Variants in RAD51B observed in about 807,000 individuals in gnomAD.
RAD51B encodes DNA repair protein RAD51 homolog 2.
A neutral mutation model predicts 42.2 loss-of-function variants in RAD51B; 38 were observed. The observed-to-expected ratio is 0.90, with a 90% CI of 0.70 to 1.18. The LOEUF is 1.18. Ranked by LOEUF, RAD51B falls within the 50% of genes most tolerant of loss-of-function variation. RAD51B has a pLI of 0.00. For missense variants in RAD51B, 373 were observed against 400.7 expected, an observed-to-expected ratio of 0.93 and a Z score of 0.59; for synonymous variants, 154 against 145.2, an observed-to-expected ratio of 1.06 and a Z score of -0.43.
At position 68,275,293 on chromosome 14, in the gene RAD51B, A is replaced by C. The variant is rs80061911; in HGVS notation, c.757-16591A>C. Among the ~76,000 whole-genome samples, 422 of 152,332 alleles carry C rather than the reference A, an allele frequency of 2.8e-3. 11 individuals carry two copies. In the East Asian group the frequency reaches 0.047, roughly 17 times the overall value. On this transcript the variant is annotated intron_variant, in intron 7 of 10. Coordinates refer to ENST00000471583, the MANE Select transcript of RAD51B (RefSeq NM_133510.4). The stretch of plus-strand genomic sequence containing the variant: ...CTACCTGAGAACTGACTAAATTTAT[A>C]TGAAAGTAACATTCTTATAGTTGTA...
At chr14:68,551,789 C>G (rs1477954826) in intron 10 of RAD51B, among the ~76,000 whole-genome samples, 1 of 152,210 alleles carries the variant, frequency 6.6e-6, no homozygotes, top group Non-Finnish European at 1.5e-5. Flanking sequence ...GGTCTCTCCC[C>G]AGATGCATCT....
At chr14:68,297,358 G>A (rs965510066) in intron 8 of RAD51B, among the ~76,000 whole-genome samples, 5 of 152,116 alleles carry the variant, frequency 3.3e-5, no homozygotes, top group African/African-American at 7.2e-5. Context: ...TTTCATTTCC[G>A]ATAAAAAACA....
chr14:68,388,092 A>ATTT (rs1192424963), intron 8 of RAD51B, among the ~76,000 whole-genome samples: 1 of 135,518 alleles, frequency 7.4e-6, no homozygotes, highest in African/African-American at 3.0e-5. Flanking sequence ...ATATATATAT[A>ATTT]TATTTTTTTT....
intron 10 of RAD51B, among the ~76,000 whole-genome samples, chr14:68,576,980 T>G (rs773002030): frequency 6.6e-6 from 1 of 152,220 alleles, no homozygotes; most frequent in South Asian, 2.1e-4. Flanking sequence ...GTTTGTGGTT[T>G]GCTGAGATTC....
chr14:68,452,299 A>T (rs10467820), intron 9 of RAD51B, among the ~76,000 whole-genome samples: 59,863 of 152,076 alleles, frequency 0.39, 12,007 homozygotes, highest in East Asian at 0.55. Context: ...GATTGAAGTT[A>T]CCAAATTCAG....
In RAD51B at chr14:68,328,606, A is replaced by G. The variant is rs564882912; in HGVS notation, c.853+36626A>G. On this transcript the variant is annotated intron_variant, in intron 8 of 10. Transcript: ENST00000471583. ...AACAGAACTTCAATTTTTCTTCTCC[A>G]TCTATGTGGTTCACATGGAACTGAC... Among the ~76,000 whole-genome samples, 39 of 152,330 alleles carry G rather than the reference A, an allele frequency of 2.6e-4. 1 individual carries two copies. Among genetic ancestry groups the G allele is most frequent in the Middle Eastern group, 3.4e-3 (1 of 294 alleles).
chr14:68,319,541 A>G (rs751657181), intron 8 of RAD51B, among the ~76,000 whole-genome samples: 1 of 152,216 alleles, frequency 6.6e-6, no homozygotes, highest in African/African-American at 2.4e-5. Context: ...AAGTGAAAGG[A>G]GTCCTTTCTC....
At chr14:68,581,936 G>GGGAAAACTGGCTAGCCATATGC (rs1389959458) in intron 10 of RAD51B, among the ~76,000 whole-genome samples, 1 of 152,160 alleles carries the variant, frequency 6.6e-6, no homozygotes, top group Non-Finnish European at 1.5e-5. Context: ...AAATGGTGTT[G>GGGAAAACTGGCTAGCCATATGC]GGAAAACTGG....
At chr14:68,139,195 C>T (rs1477557473) in intron 7 of RAD51B, among the ~76,000 whole-genome samples, 1 of 151,966 alleles carries the variant, frequency 6.6e-6, no homozygotes, top group Non-Finnish European at 1.5e-5. Context: ...AGAGATCCTC[C>T]TTCAAAGATC....
intron 10 of RAD51B, chr14:68,497,361 C>A (rs1293152551): frequency 1.6e-6 from 2 of 1,223,858 alleles, no homozygotes; most frequent in Non-Finnish European, 2.1e-6. Flanking sequence ...GCATCATAAG[C>A]TGATTTGATA....
At chr14:68,030,066 G>A (rs1848028001) in intron 7 of RAD51B, among the ~76,000 whole-genome samples, 1 of 152,240 alleles carries the variant, frequency 6.6e-6, no homozygotes, top group South Asian at 2.1e-4. Context: ...ACTGTAACCA[G>A]AGGTGCTGTG....
At chr14:67,845,621 T>A (rs1172235231) in intron 4 of RAD51B, among the ~76,000 whole-genome samples, 1 of 152,134 alleles carries the variant, frequency 6.6e-6, no homozygotes, top group Admixed American at 6.5e-5. Context: ...TGAGCCATGA[T>A]CATGCCACTG....
At chr14:68,428,748 TATATATATATATATATAA>T in intron 9 of RAD51B, among the ~76,000 whole-genome samples, 1 of 62,502 alleles carries the variant, frequency 1.6e-5, no homozygotes, top group Admixed American at 1.3e-4. Flanking sequence ...TATATATATA[TATATATATATATATATAA>T]TTATTATACT....
intron 4 of RAD51B, among the ~76,000 whole-genome samples, chr14:67,860,381 T>C (rs1203749167): frequency 1.3e-5 from 2 of 152,182 alleles, no homozygotes; most frequent in East Asian, 3.8e-4. Flanking sequence ...TAAGTGACTT[T>C]ATGAATACAA....
chr14:68,031,443 C>T (rs2076040045), intron 7 of RAD51B, among the ~76,000 whole-genome samples: 1 of 152,152 alleles, frequency 6.6e-6, no homozygotes, highest in Admixed American at 6.5e-5. Context: ...GATCTTAAAT[C>T]ACCATAACAG....
chr14:68,597,243 C>G (rs745527736), downstream of RAD51B, among the ~76,000 whole-genome samples: 1 of 152,146 alleles, frequency 6.6e-6, no homozygotes, highest in Admixed American at 6.5e-5. Flanking sequence ...AGCTGTGCAC[C>G]GTCTGGGGGA....
At chr14:68,351,357 G>A (rs962709531) in intron 8 of RAD51B, among the ~76,000 whole-genome samples, 2 of 152,114 alleles carry the variant, frequency 1.3e-5, no homozygotes, top group South Asian at 2.1e-4. Context: ...GGGAGAATGG[G>A]AATAATTCCT....
rs796356164 is a variant in RAD51B at position 68,602,506 on chromosome 14, C to CTAGCTAGCTAGATAGA, written c.1037-8497_1037-8496insCTAGCTAGATAGATAG. On this transcript the variant is annotated intron_variant, in intron 10 of 10. Coordinates refer to the RAD51B transcript ENST00000487861. ...GGATGGATGATGGATGGATGGATAG[C>CTAGCTAGCTAGATAGA]TAGATAGATAGCTAGCTAGATAGAT... 4.5e-4 allele frequency among the ~76,000 whole-genome samples: 67 copies of CTAGCTAGCTAGATAGA among 149,024 alleles called. 1 individual carries two copies. The highest frequency in any genetic ancestry group is 8.9e-4 in the African/African-American group (36 of 40,524).
chr14:68,345,787 A>G (rs541303348), intron 8 of RAD51B, among the ~76,000 whole-genome samples: 1 of 152,262 alleles, frequency 6.6e-6, no homozygotes, highest in South Asian at 2.1e-4. Flanking sequence ...CAGCCACCCA[A>G]GGAGCTGGGA....
Sources: gnomAD v4.1 joint callset for allele counts (sites outside exome capture counted in the v4.1 genomes callset) on GRCh38, gnomAD v4.1.1 for gene constraint, MANE v1.5 for transcripts, NCBI Gene and HGNC (gene_info 2026-07-23, HGNC 2026-07-21) for gene names.